Variants in ARL8B observed in about 807,000 individuals in gnomAD.
ARL8B encodes ADP-ribosylation factor-like protein 8B.
ARL8B carries 9 observed loss-of-function variants against 30.6 expected under a neutral mutation model. That is an observed-to-expected ratio of 0.29 (90% CI 0.18 to 0.51). The LOEUF (loss-of-function observed/expected upper bound fraction) is 0.51, where lower values mean the gene tolerates loss of function less well. ARL8B is among the 20% of genes least tolerant of loss of function. The pLI is 0.97. For synonymous variants in ARL8B, 74 were observed against 76.0 expected, an observed-to-expected ratio of 0.97 and a Z score of 0.14; for missense variants, 130 against 227.2, an observed-to-expected ratio of 0.57 and a Z score of 2.75.
At chr3:5,162,791 G>T (rs539339146) in intron 1 of ARL8B, among the ~76,000 whole-genome samples, 1 of 152,224 alleles carries the variant, frequency 6.6e-6, no homozygotes, top group South Asian at 2.1e-4. Context: ...TGGATTCAGT[G>T]GAACATGGGC....
At chr3:5,165,793 CTGT>C (rs1268469000) in intron 1 of ARL8B, among the ~76,000 whole-genome samples, 14 of 152,164 alleles carry the variant, frequency 9.2e-5, no homozygotes, top group Admixed American at 8.5e-4. Context: ...ATTTCCCATG[CTGT>C]TGTTAATAGC....
chr3:5,173,720 A>G (rs2054699247), intron 4 of ARL8B, among the ~76,000 whole-genome samples: 1 of 151,126 alleles, frequency 6.6e-6, no homozygotes, highest in Non-Finnish European at 1.5e-5. Context: ...GTCTCAAACA[A>G]ACAAACAAAC....
chr3:5,133,169 T>G (rs2106554908), intron 1 of ARL8B, among the ~76,000 whole-genome samples: 1 of 152,128 alleles, frequency 6.6e-6, no homozygotes, highest in East Asian at 1.9e-4. Context: ...AATTTTTTTG[T>G]TGGTTTAGGC....
chr3:5,165,436 G>A (rs1020957511), intron 1 of ARL8B, among the ~76,000 whole-genome samples: 23 of 152,232 alleles, frequency 1.5e-4, no homozygotes, highest in African/African-American at 5.1e-4. Context: ...TATTTAGTTG[G>A]TCATATCCTC....
intron 1 of ARL8B, among the ~76,000 whole-genome samples, chr3:5,165,789 C>T (rs540421783): frequency 6.6e-6 from 1 of 152,278 alleles, no homozygotes; most frequent in African/African-American, 2.4e-5. Context: ...CTTCATTTCC[C>T]ATGCTGTTGT....
chr3:5,122,627 C>G lies in ARL8B; in HGVS notation c.123+39C>G, dbSNP rs745433923. 1.9e-6 allele frequency: 3 copies of G among 1,571,060 alleles called. No individual in the cohort carries two copies. The East Asian group carries it at 6.9e-5, about 36-fold the overall frequency. On this transcript the variant is annotated intron_variant, in intron 1 of 6. Transcript: ENST00000256496. ...CACTCACTCGCCCGGGGCTCCGCAGCCAGGAGTCCGGCCCGGCGCTTCTCC... is the reference window on the plus strand; with the variant it reads ...CACTCACTCGCCCGGGGCTCCGCAGGCAGGAGTCCGGCCCGGCGCTTCTCC...
chr3:5,160,456 C>T (rs564564497), intron 1 of ARL8B, among the ~76,000 whole-genome samples: 1 of 152,244 alleles, frequency 6.6e-6, no homozygotes, highest in Non-Finnish European at 1.5e-5. Context: ...GACTATTTTT[C>T]AGGAGTAGAG....
At chr3:5,142,132 C>T (rs1350336658) in intron 1 of ARL8B, among the ~76,000 whole-genome samples, 3 of 152,138 alleles carry the variant, frequency 2.0e-5, no homozygotes, top group Non-Finnish European at 4.4e-5. Context: ...GCACAAGTCC[C>T]GGTCCAGTTG....
intron 1 of ARL8B, among the ~76,000 whole-genome samples, chr3:5,148,213 C>G (rs2054447028): frequency 6.6e-6 from 1 of 152,050 alleles, no homozygotes. Context: ...CTGAGGGCAT[C>G]CTCTAGGAGT....
intron 1 of ARL8B, among the ~76,000 whole-genome samples, chr3:5,135,867 A>G (rs929760436): frequency 2.1e-5 from 3 of 145,788 alleles, no homozygotes; most frequent in East Asian, 2.1e-4. Flanking sequence ...GCTCACTGCA[A>G]CCTCCACCTC....
chr3:5,162,058 C>T (rs1017102197), intron 1 of ARL8B, among the ~76,000 whole-genome samples: 2 of 152,158 alleles, frequency 1.3e-5, no homozygotes, highest in East Asian at 3.8e-4. Flanking sequence ...GCTATAGATT[C>T]GTTATCTGTG....
chr3:5,144,839 C>T (rs554602282), intron 1 of ARL8B, among the ~76,000 whole-genome samples: 2 of 152,178 alleles, frequency 1.3e-5, no homozygotes, highest in Non-Finnish European at 2.9e-5. Flanking sequence ...GACCAGTTCC[C>T]CATGTACCAA....
intron 1 of ARL8B, among the ~76,000 whole-genome samples, chr3:5,145,264 G>A (rs2054408380): frequency 6.6e-6 from 1 of 152,152 alleles, no homozygotes; most frequent in African/African-American, 2.4e-5. Flanking sequence ...ATTCAGGCAA[G>A]TATTTGTTGT....
intron 1 of ARL8B, among the ~76,000 whole-genome samples, chr3:5,152,853 T>C (rs975725807): frequency 8.5e-5 from 13 of 152,236 alleles, no homozygotes; most frequent in Admixed American, 5.9e-4. Flanking sequence ...TGACAGTTTC[T>C]GTCTTTTCAT....
intron 1 of ARL8B, among the ~76,000 whole-genome samples, chr3:5,168,270 C>T (rs1414463418): frequency 3.3e-5 from 5 of 152,138 alleles, no homozygotes; most frequent in South Asian, 2.1e-4. Flanking sequence ...AAGGTTTTGC[C>T]GTGTCACCCA....
chr3:5,151,879 C>T (rs1461754480), intron 1 of ARL8B, among the ~76,000 whole-genome samples: 1 of 152,066 alleles, frequency 6.6e-6, no homozygotes, highest in Admixed American at 6.5e-5. Context: ...CTCACACGAC[C>T]ACGTCTGGCT....
At chr3:5,168,886 A>G (rs1022772709) in intron 1 of ARL8B, among the ~76,000 whole-genome samples, 6 of 152,232 alleles carry the variant, frequency 3.9e-5, no homozygotes, top group African/African-American at 9.6e-5. Context: ...ACACTTAATG[A>G]TATGAAATAA....
At chr3:5,148,296 T>C (rs541091568) in intron 1 of ARL8B, among the ~76,000 whole-genome samples, 58 of 152,200 alleles carry the variant, frequency 3.8e-4, no homozygotes, top group Non-Finnish European at 7.1e-4. Flanking sequence ...AATATCTCTG[T>C]GTCCCATGGG....
intron 1 of ARL8B, among the ~76,000 whole-genome samples, chr3:5,124,034 C>G (rs1250974503): frequency 6.6e-6 from 1 of 152,034 alleles, no homozygotes; most frequent in East Asian, 1.9e-4. Flanking sequence ...CCACCACGCC[C>G]GGCTAATTAC....
Sources: gnomAD v4.1 joint callset for allele counts (sites outside exome capture counted in the v4.1 genomes callset) on GRCh38, gnomAD v4.1.1 for gene constraint, MANE v1.5 for transcripts, NCBI Gene and HGNC (gene_info 2026-07-23, HGNC 2026-07-21) for gene names.